ANKRD52: variants seen among roughly 807,000 people sequenced by gnomAD.
ANKRD52 encodes the protein serine/threonine-protein phosphatase 6 regulatory ankyrin repeat subunit C.
Under a neutral mutation model 116.0 loss-of-function variants are expected in ANKRD52, and 7 were observed. The ratio of observed to expected loss-of-function variants is 0.06; its 90% CI spans 0.03 to 0.11. ANKRD52 has a LOEUF of 0.11. Among genes scored for constraint, ANKRD52 ranks in the 10% least tolerant of loss-of-function variants. The pLI, the probability that ANKRD52 is intolerant of heterozygous loss-of-function variation, is 1.00. For synonymous variants in ANKRD52, 528 were observed against 578.1 expected, an observed-to-expected ratio of 0.91 and a Z score of 1.24; for missense variants, 839 against 1,408.6, an observed-to-expected ratio of 0.60 and a Z score of 6.47.
In ANKRD52 at chr12:56,248,953, C is replaced by G; in HGVS notation, c.1593-83G>C. 1 of 988,516 alleles carries G rather than the reference C, an allele frequency of 1.0e-6. No homozygotes were observed. Among genetic ancestry groups the G allele is most frequent in the Admixed American group, 2.9e-5 (1 of 34,418 alleles). The allele number at this position is 988,516 out of a possible 1,614,324, so 61.2% of individuals were successfully genotyped here. On this transcript the variant is annotated intron_variant, in intron 15 of 27. Transcript: ENST00000267116. This position sits in a 1 kb window ranked among gnomAD's most constrained non-coding sequence, Gnocchi z 5.1. Reference sequence around the variant, plus strand: ...TTCTGGGAGGGCCAGAGGAGAGGACCAAGGCCCTCCAGGCCTACCTGGCCG... The same window carrying G: ...TTCTGGGAGGGCCAGAGGAGAGGACGAAGGCCCTCCAGGCCTACCTGGCCG...
At chr12:56,256,720 G>T (rs972519395) in intron 4 of ANKRD52, among the ~76,000 whole-genome samples, 5 of 152,228 alleles carry the variant, frequency 3.3e-5, no homozygotes, top group African/African-American at 1.2e-4. Context: ...GTGCCCAGAG[G>T]GGGATCAGAC....
Position 56,247,768 on chromosome 12 carries a change from G to A in ANKRD52, c.1985C>T (p.Ser662Phe). Residue 662 changes from serine to phenylalanine, a missense_variant, in exon 19 of 28, where the codon TCT (serine) becomes TTT (phenylalanine). Physicochemically the swap from Ser to Phe is radical, Grantham distance 155 (BLOSUM62 -2). Transcript: ENST00000267116. ...KWTPLHAAAA[S>F]GHTDSLHLLI... Reference sequence around the variant, plus strand: ...CAAGTGCAGGGAGTCAGTGTGGCCAGAGGCAGCTAGGGGAAAGGGACCCCG... The same window carrying A: ...CAAGTGCAGGGAGTCAGTGTGGCCAAAGGCAGCTAGGGGAAAGGGACCCCG... The A allele has an allele frequency of 6.2e-7, 1 of 1,611,698 alleles. No homozygotes were observed. Among genetic ancestry groups the A allele is most frequent in the Non-Finnish European group, 8.5e-7 (1 of 1,179,056 alleles).
Position 56,248,453 on chromosome 12 carries a change from G to C in ANKRD52, c.1776+42C>G. 1.3e-6 allele frequency: 2 copies of C among 1,557,078 alleles called. No homozygotes were observed. Among genetic ancestry groups the C allele is most frequent in the African/African-American group, 1.4e-5 (1 of 73,552 alleles). ...GCACCTTTGTTAGGGCCTGGGAACA[G>C]GTAGGACAAGGAAGGCAACAGAAAA... On this transcript the variant is annotated intron_variant, in intron 17 of 27. Coordinates refer to ENST00000267116, the MANE Select transcript of ANKRD52 (RefSeq NM_173595.4). This position sits in a 1 kb window ranked among gnomAD's most constrained non-coding sequence, Gnocchi z 5.1.
At chr12:56,245,788 C>T (rs1321644517) in intron 20 of ANKRD52, among the ~76,000 whole-genome samples, 192 bp from the exon 21 acceptor site, 1 of 148,004 alleles carries the variant, frequency 6.8e-6, no homozygotes, top group African/African-American at 2.5e-5. Flanking sequence ...AATCTCGGCT[C>T]ACTGCAACCT....
chr12:56,256,969 G>A lies in ANKRD52; in HGVS notation c.261+46C>T, dbSNP rs752127382. 8.2e-6 allele frequency: 13 copies of A among 1,580,218 alleles called. No individual in the cohort carries two copies. In the Admixed American group the frequency reaches 1.3e-4, roughly 16 times the overall value. On this transcript the variant is annotated intron_variant, in intron 4 of 27. Transcript: ENST00000267116. Reference sequence around the variant, plus strand: ...CTTAACCCTTAACCCCCACCTTTAAGCAACTTATCCTTTTTGAAAGGGTAA... The same window carrying A: ...CTTAACCCTTAACCCCCACCTTTAAACAACTTATCCTTTTTGAAAGGGTAA...
rs377534871 is a variant in ANKRD52 at position 56,254,938 on chromosome 12, G to T, written c.477C>A (p.Leu159=). The change falls in exon 6 of 28, where the codon CTC becomes CTA. Residue 159 remains leucine, a synonymous_variant. Coordinates refer to ENST00000267116, the MANE Select transcript of ANKRD52 (RefSeq NM_173595.4). This position sits in a 1 kb window ranked among gnomAD's most constrained non-coding sequence, Gnocchi z 4.6. ...CATTCAGGCTGGCTCCCTTGTTGAG[G>T]AGCAGGTTCACCGTCTGCATCAGGA... ...HSGHLETVNL[L]LNKGASLNVC... 1 of 1,613,002 alleles carries T rather than the reference G, an allele frequency of 6.2e-7. No individual in the cohort carries two copies. Among genetic ancestry groups the T allele is most frequent in the African/African-American group, 1.3e-5 (1 of 74,894 alleles).
Position 56,242,888 on chromosome 12 carries a change from T to G in ANKRD52, c.*254A>C. On this transcript the variant is annotated 3_prime_UTR_variant, in exon 28 of 28. Transcript: ENST00000267116. This position sits in a 1 kb window ranked among gnomAD's most constrained non-coding sequence, Gnocchi z 4.3. ...AGTGGGGGAGCCAGGCATTTAGCAA[T>G]CATTTTGGGACACTTGGCAGAAGGG... 2.1e-6 allele frequency: 1 copy of G among 470,144 alleles called. No individual in the cohort carries two copies. Among genetic ancestry groups the G allele is most frequent in the Non-Finnish European group, 3.7e-6 (1 of 266,798 alleles). The allele number at this position is 470,144 out of a possible 1,614,324, so 29.1% of individuals were successfully genotyped here. A position where few individuals can be genotyped will look rare whatever the true frequency, so the allele number is the denominator to read the frequency against.
chr12:56,247,505 G>A lies in ANKRD52; in HGVS notation c.2172C>T (p.Ala724=), dbSNP rs757659582. 6.3e-7 allele frequency: 1 copy of A among 1,582,498 alleles called. No homozygotes were observed. The highest frequency in any genetic ancestry group is 1.8e-5 in the Admixed American group (1 of 55,716). ...ADAADLRGRT[A]LHRGAVTGCE... Reference sequence around the variant, plus strand: ...GAAGCTCACTCACCCCGCGGTGGAGGGCAGTGCGGCCCCGGAGGTCAGCAG... The same window carrying A: ...GAAGCTCACTCACCCCGCGGTGGAGAGCAGTGCGGCCCCGGAGGTCAGCAG... The change falls in exon 20 of 28, where the codon GCC becomes GCT. Residue 724 remains alanine, a synonymous_variant. Transcript: ENST00000267116.
At position 56,252,249 on chromosome 12, in the gene ANKRD52, C is replaced by T. The variant is rs548618049; in HGVS notation, c.1437G>A (p.Gly479=). 2 of 1,613,950 alleles carry T rather than the reference C, an allele frequency of 1.2e-6. No individual in the cohort carries two copies. Among genetic ancestry groups the T allele is most frequent in the East Asian group, 2.2e-5 (1 of 44,888 alleles). Residue 479 remains glycine (G), a synonymous_variant, in exon 14 of 28, where the codon GGG becomes GGA. Coordinates refer to ENST00000267116, the MANE Select transcript of ANKRD52 (RefSeq NM_173595.4). This position sits in a 1 kb window ranked among gnomAD's most constrained non-coding sequence, Gnocchi z 4.7. ...YQCAVTLVTA[G]AGVNEADCKG... Reference sequence around the variant, plus strand: ...TACAGTCGGCCTCGTTGACACCTGCCCCAGCAGTCACCAATGTTACTGCAC... The same window carrying T: ...TACAGTCGGCCTCGTTGACACCTGCTCCAGCAGTCACCAATGTTACTGCAC...
At position 56,255,249 on chromosome 12, in the gene ANKRD52, G is replaced by A. The variant is rs1274780552; in HGVS notation, c.463-297C>T. On this transcript the variant is annotated intron_variant, in intron 5 of 27. Coordinates refer to ENST00000267116, the MANE Select transcript of ANKRD52 (RefSeq NM_173595.4). The surrounding 1 kb of genome is among the most constrained non-coding windows in gnomAD (Gnocchi z 4.3). Reference sequence around the variant, plus strand: ...TCTGTTACCCAGGCTGGAGTTCAGTGGCATGATTTCGGCTCATTGCAAGCT... The same window carrying A: ...TCTGTTACCCAGGCTGGAGTTCAGTAGCATGATTTCGGCTCATTGCAAGCT... Among the ~76,000 whole-genome samples the A allele has an allele frequency of 6.6e-6, 1 of 150,720 alleles. No individual in the cohort carries two copies. Among genetic ancestry groups the A allele is most frequent in the Non-Finnish European group, 1.5e-5 (1 of 67,872 alleles).
At position 56,242,883 on chromosome 12, in the gene ANKRD52, A is replaced by G. The variant is rs1411744626; in HGVS notation, c.*259T>C. 11 of 466,504 alleles carry G rather than the reference A, an allele frequency of 2.4e-5. No homozygotes were observed. The highest frequency in any genetic ancestry group is 3.0e-5 in the Non-Finnish European group (8 of 263,664). The allele number at this position is 466,504 out of a possible 1,614,324, so 28.9% of individuals were successfully genotyped here. ...CAAAGAGTGGGGGAGCCAGGCATTT[A>G]GCAATCATTTTGGGACACTTGGCAG... On this transcript the variant is annotated 3_prime_UTR_variant, in exon 28 of 28. Transcript: ENST00000267116. This position sits in a 1 kb window ranked among gnomAD's most constrained non-coding sequence, Gnocchi z 4.3.
intron 4 of ANKRD52, among the ~76,000 whole-genome samples, chr12:56,256,263 A>G (rs1481755096): frequency 6.6e-6 from 1 of 152,118 alleles, no homozygotes; most frequent in East Asian, 1.9e-4. Context: ...CTTCACTCAC[A>G]CATACATCCA....
chr12:56,247,261 A>T (rs1178751332), intron 20 of ANKRD52, among the ~76,000 whole-genome samples: 1 of 149,508 alleles, frequency 6.7e-6, no homozygotes, highest in Non-Finnish European at 1.5e-5. Flanking sequence ...TGCGAGAATC[A>T]CCTGAGCCCA....
chr12:56,249,869 G>A (rs993929656), intron 15 of ANKRD52, among the ~76,000 whole-genome samples: 2 of 152,178 alleles, frequency 1.3e-5, no homozygotes, highest in Admixed American at 6.6e-5. Context: ...GTGAAACCCC[G>A]TCTGTACTAA....
At chr12:56,249,559 C>T (rs1393348486) in intron 15 of ANKRD52, among the ~76,000 whole-genome samples, 5 of 151,998 alleles carry the variant, frequency 3.3e-5, no homozygotes, top group Non-Finnish European at 5.9e-5. Context: ...TTTTAGTGTC[C>T]TTTTTAAAAA....
Position 56,254,976 on chromosome 12 carries a change from C to A in ANKRD52, c.463-24G>T. ...GTCTGCATCAGGATATGAAAGACAC[C>A]TGTTCAGAGCTAGATTCGTGCCCTC... is the stretch of plus-strand genomic sequence containing the variant. On this transcript the variant is annotated intron_variant, in intron 5 of 27. Coordinates refer to ENST00000267116, the MANE Select transcript of ANKRD52 (RefSeq NM_173595.4). The surrounding 1 kb of genome is among the most constrained non-coding windows in gnomAD (Gnocchi z 4.6). 2 of 1,599,238 alleles carry A rather than the reference C, an allele frequency of 1.3e-6. No individual in the cohort carries two copies. The highest frequency in any genetic ancestry group is 1.3e-5 in the African/African-American group (1 of 74,792).
chr12:56,245,662 A>T, intron 20 of ANKRD52, 66 bp from the exon 21 acceptor site: 16 of 1,174,690 alleles, frequency 1.4e-5, no homozygotes, highest in Non-Finnish European at 1.7e-5. Flanking sequence ...CTGTTGCTGG[A>T]GTCTGGCTCA....
Position 56,257,048 on chromosome 12 carries a change from G to A in ANKRD52, c.228C>T (p.Thr76=). 2.5e-6 allele frequency: 4 copies of A among 1,613,568 alleles called. No individual in the cohort carries two copies. The highest frequency in any genetic ancestry group is 2.5e-6 in the Non-Finnish European group (3 of 1,179,748). ...NVNAKDTLWL[T]PLHRAAASRN... ...GGGAGGCAGCAGCACGATGAAGAGG[G>A]GTCAGCCACAGTGTGTCCTTAGCAT... Residue 76 remains threonine (T), a synonymous_variant, in exon 4 of 28, where the codon ACC becomes ACT. Coordinates refer to ENST00000267116, the MANE Select transcript of ANKRD52 (RefSeq NM_173595.4).
At position 56,248,977 on chromosome 12, in the gene ANKRD52, C is replaced by T. The variant is rs930797747; in HGVS notation, c.1593-107G>A. ...CCAAGGCCCTCCAGGCCTACCTGGC[C>T]GCCACCCGTCCTCAGCTCTAGGTAG... On this transcript the variant is annotated intron_variant, in intron 15 of 27. Transcript: ENST00000267116. The surrounding 1 kb of genome is among the most constrained non-coding windows in gnomAD (Gnocchi z 5.1). 2.0e-5 allele frequency: 14 copies of T among 710,840 alleles called. No individual in the cohort carries two copies. The highest frequency in any genetic ancestry group is 3.1e-5 in the Admixed American group (1 of 32,272). The allele number at this position is 710,840 out of a possible 1,614,324, so 44.0% of individuals were successfully genotyped here.
Sources: gnomAD v4.1 joint callset for allele counts (sites outside exome capture counted in the v4.1 genomes callset) on GRCh38, gnomAD v4.1.1 for gene constraint, Gnocchi (gnomAD v3.1) non-coding constraint, MANE v1.5 for transcripts, NCBI Gene and HGNC (gene_info 2026-07-23, HGNC 2026-07-21) for gene names.